The following MAD1L1 variants were observed in gnomAD, a reference collection of about 807,000 sequenced individuals.
MAD1L1 encodes mitotic arrest deficient 1 like 1.
Under a neutral mutation model 96.9 loss-of-function variants are expected in MAD1L1, and 95 were observed. That is an observed-to-expected ratio of 0.98 (90% CI 0.83 to 1.16). The LOEUF is 1.16. Among genes scored for constraint, MAD1L1 ranks in the 50% most tolerant of loss-of-function variants. MAD1L1 has a pLI of 0.00. For missense variants in MAD1L1, 1,007 were observed against 954.4 expected, an observed-to-expected ratio of 1.06 and a Z score of -0.73; for synonymous variants, 473 against 396.6, an observed-to-expected ratio of 1.19 and a Z score of -2.29.
At chr7:2,156,309 G>A (rs1054685344) in intron 10 of MAD1L1, among the ~76,000 whole-genome samples, 18 of 152,310 alleles carry the variant, frequency 1.2e-4, no homozygotes, top group African/African-American at 4.3e-4. Flanking sequence ...GGCGAGGGCA[G>A]TGGATGCATG....
intron 13 of MAD1L1, among the ~76,000 whole-genome samples, chr7:2,011,198 G>A (rs1036974682): frequency 6.6e-6 from 1 of 151,774 alleles, no homozygotes; most frequent in South Asian, 2.1e-4. Flanking sequence ...CCAGAGACAC[G>A]CGGCATGTGC....
chr7:1,936,709 CAG>C lies in MAD1L1; in HGVS notation c.1783_1784del (p.Leu595AlafsTer165). ...TACCTGCCACCTCCTTGGACGATGG[CAG>C]ACTCGCGGCGGCAGCCTCAAGGTCG... ...PADLEAAAAS[L>X]PSSKEVAELK... On this transcript the variant is annotated frameshift_variant, in exon 17 of 19. Transcript: ENST00000265854. LOFTEE classifies it high-confidence loss of function. The C allele has an allele frequency of 3.2e-6, 5 of 1,557,296 alleles. No homozygotes were observed. The East Asian group carries it at 1.2e-4, about 37-fold the overall frequency.
At chr7:2,013,382 C>T (rs1782387389) in intron 13 of MAD1L1, among the ~76,000 whole-genome samples, 1 of 152,258 alleles carries the variant, frequency 6.6e-6, no homozygotes, top group African/African-American at 2.4e-5. Context: ...GACCAAAGAG[C>T]TCACAGAGCT....
intron 12 of MAD1L1, among the ~76,000 whole-genome samples, chr7:2,030,863 T>C (rs975535741): frequency 1.3e-5 from 2 of 152,188 alleles, no homozygotes; most frequent in African/African-American, 4.8e-5. Flanking sequence ...CCAACCTTGC[T>C]CAGAGCTTGA....
chr7:1,845,324 G>GAC (rs1783536747), intron 18 of MAD1L1: 1 of 152,292 alleles, frequency 6.6e-6, no homozygotes, highest in African/African-American at 2.4e-5. Flanking sequence ...CGGCGGCTCT[G>GAC]ACCTTGGTGT....
intron 18 of MAD1L1, chr7:1,845,387 A>T (rs1783541365): frequency 6.6e-6 from 1 of 152,286 alleles, no homozygotes; most frequent in South Asian, 2.1e-4. Context: ...CTCAAACCAC[A>T]AACAGCAGCT....
chr7:1,987,853 C>T (rs1433597010), intron 14 of MAD1L1, among the ~76,000 whole-genome samples: 3 of 152,182 alleles, frequency 2.0e-5, no homozygotes, highest in African/African-American at 4.8e-5. Context: ...CAGCCCTCAC[C>T]GTGACGACGG....
chr7:1,882,595 AG>A (rs988837125), intron 18 of MAD1L1, among the ~76,000 whole-genome samples: 2 of 152,182 alleles, frequency 1.3e-5, no homozygotes, highest in Non-Finnish European at 2.9e-5. Context: ...CCGTGGCCAC[AG>A]GGTCCTGCTC....
At chr7:1,842,090 A>T (rs893971358) in intron 18 of MAD1L1, among the ~76,000 whole-genome samples, 4 of 151,728 alleles carry the variant, frequency 2.6e-5, no homozygotes, top group Admixed American at 2.0e-4. Flanking sequence ...ATGAAAGGGA[A>T]TTTTCTTTTT....
At chr7:1,971,105 T>C (rs1478613746) in intron 15 of MAD1L1, among the ~76,000 whole-genome samples, 2 of 151,654 alleles carry the variant, frequency 1.3e-5, no homozygotes, top group African/African-American at 4.9e-5. Flanking sequence ...CTCAATACAG[T>C]GAATATCCTT....
At chr7:2,172,026 C>T (rs1231476225) in intron 10 of MAD1L1, among the ~76,000 whole-genome samples, 1 of 152,208 alleles carries the variant, frequency 6.6e-6, no homozygotes, top group Non-Finnish European at 1.5e-5. Context: ...ATCCCAGCCA[C>T]TCATCGGCTG....
chr7:1,962,791 TA>T (rs945959124), intron 15 of MAD1L1, among the ~76,000 whole-genome samples: 1 of 152,008 alleles, frequency 6.6e-6, no homozygotes. Context: ...TGAAAACCTT[TA>T]AAAAACTAGC....
intron 17 of MAD1L1, among the ~76,000 whole-genome samples, chr7:1,903,664 G>T (rs573861254): frequency 3.9e-3 from 578 of 146,398 alleles, no homozygotes; most frequent in South Asian, 5.9e-3. Flanking sequence ...TGAGGACGCA[G>T]TGGCCTATGG....
At chr7:1,881,255 C>T (rs902396761) in intron 18 of MAD1L1, among the ~76,000 whole-genome samples, 4 of 152,062 alleles carry the variant, frequency 2.6e-5, no homozygotes, top group Non-Finnish European at 5.9e-5. Flanking sequence ...TGAATTAACC[C>T]ATTTATGCCT....
chr7:2,120,549 C>T (rs1787927054), intron 11 of MAD1L1, among the ~76,000 whole-genome samples: 1 of 152,228 alleles, frequency 6.6e-6, no homozygotes, highest in African/African-American at 2.4e-5. Flanking sequence ...CAGGGCGCTG[C>T]CTTCTGCCAG....
chr7:2,230,205 G>C (rs1361447470), intron 2 of MAD1L1, 62 bp from the exon 3 acceptor site: 1 of 1,396,586 alleles, frequency 7.2e-7, no homozygotes, highest in Non-Finnish European at 9.8e-7. Flanking sequence ...CAGCCGTGCA[G>C]TCAGCAGAGC....
At chr7:1,825,593 G>A (rs892231077) in intron 18 of MAD1L1, among the ~76,000 whole-genome samples, 7 of 152,260 alleles carry the variant, frequency 4.6e-5, no homozygotes, top group African/African-American at 1.7e-4. Flanking sequence ...CAAATCCCAG[G>A]TGGGGCACAG....
chr7:1,969,272 T>G (rs1331790878), intron 15 of MAD1L1, among the ~76,000 whole-genome samples: 1 of 152,114 alleles, frequency 6.6e-6, no homozygotes, highest in Non-Finnish European at 1.5e-5. Context: ...TAATCACAGC[T>G]ACTCGGGAGG....
At chr7:2,020,371 C>A in intron 12 of MAD1L1, among the ~76,000 whole-genome samples, 1 of 152,232 alleles carries the variant, frequency 6.6e-6, no homozygotes, top group Non-Finnish European at 1.5e-5. Flanking sequence ...GCACCCGGCC[C>A]CGGCACCATG....
Sources: gnomAD v4.1 joint callset for allele counts (sites outside exome capture counted in the v4.1 genomes callset) on GRCh38, gnomAD v4.1.1 for gene constraint, MANE v1.5 for transcripts, NCBI Gene and HGNC (gene_info 2026-07-23, HGNC 2026-07-21) for gene names.